The following FRMD5 variants were observed in gnomAD, a reference collection of about 807,000 sequenced individuals.
The protein encoded by FRMD5 is FERM domain-containing protein 5.
Under a neutral mutation model 69.0 loss-of-function variants are expected in FRMD5, and 20 were observed. The observed-to-expected ratio is 0.29, with a 90% CI of 0.20 to 0.42. The LOEUF is 0.42. Ranked by LOEUF, FRMD5 falls within the 10% of genes least tolerant of loss-of-function variation. The pLI is 1.00. For synonymous variants in FRMD5, 271 were observed against 260.1 expected (o/e 1.04, Z -0.40); for missense variants, 595 against 708.6 (o/e 0.84, Z 1.82).
chr15:43,915,600 C>T (rs1364497044), intron 4 of FRMD5, among the ~76,000 whole-genome samples: 1 of 152,188 alleles, frequency 6.6e-6, no homozygotes, highest in Non-Finnish European at 1.5e-5. Context: ...AAATCTGGTA[C>T]CTGAATTTCC....
intron 1 of FRMD5, among the ~76,000 whole-genome samples, chr15:44,113,757 T>C (rs891022030): frequency 3.9e-5 from 6 of 152,178 alleles, no homozygotes; most frequent in African/African-American, 1.4e-4. Flanking sequence ...CTTTTTGACC[T>C]TGAAAAAGTC....
intron 1 of FRMD5, among the ~76,000 whole-genome samples, chr15:43,996,661 C>A (rs1199645090): frequency 1.4e-5 from 2 of 145,358 alleles, no homozygotes; most frequent in African/African-American, 5.1e-5. Flanking sequence ...TAGATTCTTA[C>A]TGAATTGATC....
chr15:44,017,036 C>A (rs1477760008), intron 1 of FRMD5, among the ~76,000 whole-genome samples: 2 of 151,886 alleles, frequency 1.3e-5, no homozygotes, highest in Non-Finnish European at 1.5e-5. Context: ...TCCCAAAGTG[C>A]TGAGATTAAA....
intron 1 of FRMD5, among the ~76,000 whole-genome samples, chr15:44,075,695 A>G (rs1359569630): frequency 6.6e-6 from 1 of 152,164 alleles, no homozygotes; most frequent in Non-Finnish European, 1.5e-5. Context: ...CATTTTTTCT[A>G]TAGACGTTCC....
At chr15:44,190,151 GC>G (rs1222857873) in intron 1 of FRMD5, among the ~76,000 whole-genome samples, 1 of 152,194 alleles carries the variant, frequency 6.6e-6, no homozygotes, top group African/African-American at 2.4e-5. Context: ...TTTAGTACAA[GC>G]CTTAACTAGA....
rs8030157 is a variant in FRMD5, at chr15:43,997,464, T to C, written c.103-73155A>G. ...GATATATTCTTACCAACACATTCTC[T>C]TGTGGTTCATCTCATTCCCTTCAGG... On this transcript the variant is annotated intron_variant, in intron 1 of 13. Transcript: ENST00000417257. Among the ~76,000 whole-genome samples, 1,071 of 152,328 alleles carry C rather than the reference T, an allele frequency of 7.0e-3. 14 individuals are homozygous for C. Among genetic ancestry groups the C allele is most frequent in the East Asian group, 0.06 (309 of 5,184 alleles).
At chr15:44,085,958 T>C (rs1404402304) in intron 1 of FRMD5, among the ~76,000 whole-genome samples, 1 of 152,100 alleles carries the variant, frequency 6.6e-6, no homozygotes, top group Non-Finnish European at 1.5e-5. Flanking sequence ...TAAAATATAC[T>C]AAGAGTCTGA....
At chr15:44,116,367 C>A (rs1324566954) in intron 1 of FRMD5, among the ~76,000 whole-genome samples, 3 of 151,936 alleles carry the variant, frequency 2.0e-5, no homozygotes, top group East Asian at 3.9e-4. Context: ...TCAAGTGATC[C>A]CCCTACCTCA....
chr15:44,165,820 G>A (rs573548493), intron 1 of FRMD5, among the ~76,000 whole-genome samples: 2 of 152,162 alleles, frequency 1.3e-5, no homozygotes, highest in South Asian at 4.2e-4. Context: ...GACAGAGTGA[G>A]ACCCTGCCTC....
intron 1 of FRMD5, among the ~76,000 whole-genome samples, chr15:43,950,586 G>A (rs2090011412): frequency 6.6e-6 from 1 of 152,168 alleles, no homozygotes; most frequent in East Asian, 1.9e-4. Context: ...CTTAACCTCA[G>A]TTTCACCTGC....
chr15:44,033,333 C>A (rs1314360369), intron 1 of FRMD5, among the ~76,000 whole-genome samples: 1 of 151,942 alleles, frequency 6.6e-6, no homozygotes, highest in Non-Finnish European at 1.5e-5. Context: ...CTACAACAAA[C>A]CCCTGTAACA....
intron 1 of FRMD5, among the ~76,000 whole-genome samples, chr15:43,975,809 T>C (rs1268597404): frequency 6.6e-6 from 1 of 152,140 alleles, no homozygotes; most frequent in African/African-American, 2.4e-5. Flanking sequence ...ATCTAGAATA[T>C]GCAAAACAAG....
chr15:43,994,169 C>T (rs950529756), intron 1 of FRMD5, among the ~76,000 whole-genome samples: 7 of 152,088 alleles, frequency 4.6e-5, no homozygotes, highest in Non-Finnish European at 1.0e-4. Context: ...TCTTCTCTTG[C>T]TATCTTCCTT....
intron 1 of FRMD5, 133 bp downstream of exon 1, chr15:44,194,820 C>T: frequency 1.2e-6 from 1 of 834,844 alleles, no homozygotes; most frequent in Non-Finnish European, 2.0e-6. Context: ...GGGCGGTCCG[C>T]CGCAACCAGG....
In FRMD5 at chr15:43,875,804, G is replaced by GTTTTTTTTTTT. The variant is rs34063043; in HGVS notation, c.1136-1353_1136-1343dup. The GTTTTTTTTTTT allele has an allele frequency of 5.3e-4, 112 of 210,608 alleles. 8 individuals carry two copies. Among genetic ancestry groups the GTTTTTTTTTTT allele is most frequent in the African/African-American group, 2.7e-3 (56 of 20,950 alleles). 13.0% of individuals were successfully genotyped at this position (210,608 alleles called of 1,614,324 possible). ...TCTTGCCTTTGGTGTCCTGGGCCTA[G>GTTTTTTTTTTT]TTTTTTTTTTTTTTTTTTTTTTTCT... On this transcript the variant is annotated intron_variant, in intron 13 of 13. Transcript: ENST00000417257.
chr15:43,924,097 G>A, intron 2 of FRMD5, 108 bp downstream of exon 2: 1 of 847,372 alleles, frequency 1.2e-6, no homozygotes, highest in Non-Finnish European at 2.0e-6. Context: ...TGCAGGGTCT[G>A]GTTGGTCCCT....
chr15:44,143,224 T>C (rs1009848940), intron 1 of FRMD5, among the ~76,000 whole-genome samples: 1 of 152,122 alleles, frequency 6.6e-6, no homozygotes, highest in Non-Finnish European at 1.5e-5. Flanking sequence ...TCAGACACAG[T>C]ACACCCTGAA....
chr15:44,059,037 G>A (rs967635233), intron 1 of FRMD5, among the ~76,000 whole-genome samples: 21 of 152,122 alleles, frequency 1.4e-4, no homozygotes, highest in Non-Finnish European at 2.8e-4. Context: ...AAAAACTTAG[G>A]AACCTGTGCA....
intron 1 of FRMD5, among the ~76,000 whole-genome samples, chr15:44,050,537 T>C (rs994712027): frequency 1.4e-5 from 2 of 142,208 alleles, no homozygotes; most frequent in African/African-American, 5.9e-5. Flanking sequence ...CCTTTTTTTT[T>C]TTTTTTTTTT....
Sources: allele counts gnomAD v4.1 joint callset (sites outside exome capture counted in the v4.1 genomes callset), GRCh38; gene constraint gnomAD v4.1.1; transcripts MANE v1.5; gene names NCBI Gene and HGNC (gene_info 2026-07-23, HGNC 2026-07-21).